Variants in PCSK4 observed in about 807,000 individuals in gnomAD.
PCSK4 encodes proprotein convertase subtilisin/kexin type 4.
Under a neutral mutation model 80.3 loss-of-function variants are expected in PCSK4, and 64 were observed. The observed-to-expected ratio is 0.80, with a 90% CI of 0.65 to 0.98. The LOEUF is 0.98. Ranked by LOEUF, PCSK4 falls within the 50% of genes least tolerant of loss-of-function variation. The probability of loss-of-function intolerance (pLI) is 0.00; values close to 1 mark genes in which losing one functional copy is unlikely to be tolerated. For missense variants in PCSK4, 1,213 were observed against 1,093.6 expected, an observed-to-expected ratio of 1.11 and a Z score of -1.54; for synonymous variants, 561 against 487.6, an observed-to-expected ratio of 1.15 and a Z score of -1.98.
chr19:1,483,898 C>T (rs908136976), exon 10 of PCSK4: 15 of 1,489,920 alleles, frequency 1.0e-5, no homozygotes, highest in Non-Finnish European at 1.3e-5. Flanking sequence ...GGCTTGGACG[C>T]GCGGACCACC....
chr19:1,487,628 C>G, exon 6 of PCSK4: 3 of 1,553,546 alleles, frequency 1.9e-6, no homozygotes, highest in Middle Eastern at 1.7e-4. Context: ...TGAAAGCGAC[C>G]CCCACACCAC....
chr19:1,481,960 G>A (rs1300306593), exon 15 of PCSK4: 21 of 1,593,746 alleles, frequency 1.3e-5, no homozygotes, highest in African/African-American at 2.7e-5. Flanking sequence ...GGCGGCTGTC[G>A]GGGGTGGTGG....
chr19:1,487,556 C>T, intron 6 of PCSK4, 47 bp downstream of exon 6: 2 of 1,472,494 alleles, frequency 1.4e-6, no homozygotes, highest in Non-Finnish European at 9.3e-7. Flanking sequence ...AGAGTCACCC[C>T]CTTCCCTCTC....
chr19:1,484,014 C>T lies in PCSK4; in HGVS notation c.1169+13G>A, dbSNP rs967302810. ...GGGGCGAGGGCGGTGGACCGGGCCC[C>T]GCAGTCACCTACTTGGCCTCCAGCG... On this transcript the variant is annotated intron_variant, in intron 9 of 14. Transcript: ENST00000300954. The T allele has an allele frequency of 5.2e-6, 8 of 1,529,430 alleles. No homozygotes were observed. The highest frequency in any genetic ancestry group is 2.8e-5 in the African/African-American group (2 of 72,340). The allele number at this position is 1,529,430 out of a possible 1,614,324, so 94.7% of individuals were successfully genotyped here. A position where few individuals can be genotyped will look rare whatever the true frequency, so the allele number is the denominator to read the frequency against.
exon 8 of PCSK4, chr19:1,487,010 T>G (rs2030063146): frequency 6.2e-7 from 1 of 1,609,214 alleles, no homozygotes; most frequent in Non-Finnish European, 8.5e-7. Context: ...GTTGTCGTAG[T>G]GCAGGCCGCC....
chr19:1,481,945 C>A, exon 15 of PCSK4: 5 of 1,596,798 alleles, frequency 3.1e-6, no homozygotes, highest in Non-Finnish European at 4.3e-6. Flanking sequence ...CAGCTCTAAG[C>A]CGGGGGCGGC....
At chr19:1,482,758 G>T in intron 13 of PCSK4, 138 bp downstream of exon 13, 1 of 917,336 alleles carries the variant, frequency 1.1e-6, no homozygotes, top group Non-Finnish European at 1.7e-6. Context: ...GTGACTGCAC[G>T]CCTACTGTGT....
At chr19:1,484,767 C>A (rs1245246661) in intron 8 of PCSK4, among the ~76,000 whole-genome samples, 1 of 151,484 alleles carries the variant, frequency 6.6e-6, no homozygotes, top group Admixed American at 6.6e-5. Flanking sequence ...GAGCCAAGAT[C>A]ACACCGTTGC....
chr19:1,487,098 C>T (rs557672012), intron 7 of PCSK4, 33 bp from the exon 8 acceptor site: 26 of 1,601,854 alleles, frequency 1.6e-5, no homozygotes, highest in Admixed American at 3.3e-5. Flanking sequence ...GAGGGGGCGT[C>T]GGCCTGGCCT....
At chr19:1,487,446 C>T (rs894070290) in intron 6 of PCSK4, 133 bp from the exon 7 acceptor site, 17 of 985,366 alleles carry the variant, frequency 1.7e-5, no homozygotes, top group African/African-American at 6.5e-5. Flanking sequence ...TGGGACCATT[C>T]GTATTGGCTC....
At chr19:1,482,560 C>A (rs1388995278) in intron 13 of PCSK4, 85 bp from the exon 14 acceptor site, 14 of 1,509,748 alleles carry the variant, frequency 9.3e-6, no homozygotes, top group Middle Eastern at 3.7e-4. Context: ...CCCTCCCCTT[C>A]AGCTCCCACG....
chr19:1,489,731 C>T, intron 2 of PCSK4, 62 bp downstream of exon 2: 1 of 1,550,408 alleles, frequency 6.4e-7, no homozygotes, highest in Non-Finnish European at 8.7e-7. Context: ...CAGAAGATGG[C>T]TGGTGGCCCC....
At chr19:1,488,359 C>T (rs773860967) in intron 2 of PCSK4, 79 bp from the exon 3 acceptor site, 202 of 1,067,344 alleles carry the variant, frequency 1.9e-4, no homozygotes, top group Middle Eastern at 2.8e-4. Context: ...GAGGCAGCCC[C>T]GTGCCCTGGG....
At chr19:1,486,723 T>C (rs1266681617) in intron 8 of PCSK4, 130 bp downstream of exon 8, 1 of 769,992 alleles carries the variant, frequency 1.3e-6, no homozygotes, top group African/African-American at 1.7e-5. Flanking sequence ...TGAGCCACCG[T>C]GCTCGGCCTG....
chr19:1,481,941 T>C, exon 15 of PCSK4: 1 of 1,597,566 alleles, frequency 6.3e-7, no homozygotes, highest in South Asian at 1.1e-5. Flanking sequence ...GCGGCAGCTC[T>C]AAGCCGGGGG....
exon 15 of PCSK4, chr19:1,482,048 C>A: frequency 6.4e-7 from 1 of 1,559,190 alleles, no homozygotes. Context: ...GGAGCCGCCG[C>A]GGCAGGTGTA....
At chr19:1,483,968 T>G in intron 9 of PCSK4, 27 bp from the exon 10 acceptor site, 2 of 1,309,926 alleles carry the variant, frequency 1.5e-6, no homozygotes, top group Non-Finnish European at 2.0e-6. Context: ...CGGGGGCGGG[T>G]GAGCCGCCGG....
chr19:1,489,503 G>A (rs950211324), intron 2 of PCSK4: 4 of 429,922 alleles, frequency 9.3e-6, no homozygotes, highest in Admixed American at 3.8e-5. Context: ...TGACCTAGAC[G>A]GTGGGGAAGT....
exon 1 of PCSK4, chr19:1,490,214 C>G: frequency 1.2e-6 from 2 of 1,613,318 alleles, no homozygotes; most frequent in Non-Finnish European, 1.7e-6. Flanking sequence ...TCCCGGTTAC[C>G]CTGGGACACC....
Sources: allele counts gnomAD v4.1 joint callset (sites outside exome capture counted in the v4.1 genomes callset), GRCh38; gene constraint gnomAD v4.1.1; transcripts MANE v1.5; gene names NCBI Gene and HGNC (gene_info 2026-07-23, HGNC 2026-07-21).